The following DPP10 variants were observed in gnomAD, a reference collection of about 807,000 sequenced individuals.
DPP10 encodes inactive dipeptidyl peptidase 10.
A neutral mutation model predicts 120.9 loss-of-function variants in DPP10; 33 were observed. The ratio of observed to expected loss-of-function variants is 0.27; its 90% CI spans 0.21 to 0.37. The LOEUF (loss-of-function observed/expected upper bound fraction) is 0.37, where lower values mean the gene tolerates loss of function less well. Among genes scored for constraint, DPP10 ranks in the 10% least tolerant of loss-of-function variants. The pLI, the probability that DPP10 is intolerant of heterozygous loss-of-function variation, is 1.00. For synonymous variants in DPP10, 337 were observed against 326.1 expected, an observed-to-expected ratio of 1.03 and a Z score of -0.36; for missense variants, 816 against 942.8, an observed-to-expected ratio of 0.87 and a Z score of 1.76.
chr2:115,263,782 G>A lies in DPP10; in HGVS notation c.61-45457G>A, dbSNP rs530991986. Among the ~76,000 whole-genome samples the A allele has an allele frequency of 1.8e-4, 27 of 152,170 alleles. No homozygotes were observed. In the South Asian group the frequency reaches 5.4e-3, roughly 30 times the overall value. On this transcript the variant is annotated intron_variant, in intron 1 of 25. Coordinates refer to ENST00000410059, the MANE Select transcript of DPP10 (RefSeq NM_020868.6). ...ATCGGATTAGTATTTATTTTCAATT[G>A]CCTTCCTTATATACATGTTAGATAG...
intron 7 of DPP10, among the ~76,000 whole-genome samples, chr2:115,718,091 T>C (rs2092549528): frequency 6.6e-6 from 1 of 152,184 alleles, no homozygotes; most frequent in Non-Finnish European, 1.5e-5. Flanking sequence ...TATACTTATT[T>C]TCAGCGTAAC....
intron 1 of DPP10, among the ~76,000 whole-genome samples, chr2:115,121,050 G>A (rs1051648136): frequency 6.6e-6 from 1 of 152,212 alleles, no homozygotes; most frequent in African/African-American, 2.4e-5. Flanking sequence ...GGGCTTCTCT[G>A]AGTAAACATG....
intron 3 of DPP10, among the ~76,000 whole-genome samples, chr2:115,498,356 G>A (rs967164370): frequency 2.6e-5 from 4 of 152,088 alleles, no homozygotes; most frequent in Non-Finnish European, 1.5e-5. Context: ...GAGAGAAGGG[G>A]TCAGAAAATC....
intron 5 of DPP10, among the ~76,000 whole-genome samples, chr2:115,584,713 T>C (rs186064529): frequency 1.3e-5 from 2 of 152,260 alleles, no homozygotes; most frequent in East Asian, 3.9e-4. Context: ...GGTCTAGAGT[T>C]GTTGCTGAGC....
chr2:115,483,112 G>A (rs2075540184), intron 3 of DPP10, among the ~76,000 whole-genome samples: 1 of 151,956 alleles, frequency 6.6e-6, no homozygotes, highest in South Asian at 2.1e-4. Context: ...ATGTAGGTAG[G>A]GTGGAGAATT....
intron 1 of DPP10, among the ~76,000 whole-genome samples, chr2:114,486,701 A>G (rs1216821074): frequency 6.6e-6 from 1 of 152,024 alleles, no homozygotes; most frequent in African/African-American, 2.4e-5. Flanking sequence ...TTTTCTTTTC[A>G]GTGAAACTAT....
At chr2:114,591,572 T>TTTTTTTTTTTTG (rs1287684682) in intron 1 of DPP10, among the ~76,000 whole-genome samples, 1 of 146,148 alleles carries the variant, frequency 6.8e-6, no homozygotes, top group African/African-American at 2.5e-5. Flanking sequence ...TTTTTTTTTT[T>TTTTTTTTTTTTG]GAGATGGAGT....
intron 1 of DPP10, among the ~76,000 whole-genome samples, chr2:114,489,741 A>T (rs1255610024): frequency 6.6e-6 from 1 of 152,164 alleles, no homozygotes; most frequent in Non-Finnish European, 1.5e-5. Flanking sequence ...ACCTCAGATT[A>T]TACATAACAA....
chr2:114,515,583 A>T (rs1236504853), intron 1 of DPP10, among the ~76,000 whole-genome samples: 2 of 152,182 alleles, frequency 1.3e-5, no homozygotes, highest in Non-Finnish European at 2.9e-5. Context: ...AATAGTCAAA[A>T]TAAAAATATT....
chr2:115,831,551 G>T (rs7562125), intron 21 of DPP10, among the ~76,000 whole-genome samples: 147,134 of 152,268 alleles, frequency 0.97, 71,316 homozygotes, highest in East Asian at 1. Flanking sequence ...ATAACCTCTT[G>T]TAAAATCCCA....
intron 5 of DPP10, among the ~76,000 whole-genome samples, chr2:115,643,377 C>T (rs1218017734): frequency 1.3e-5 from 2 of 151,980 alleles, no homozygotes; most frequent in African/African-American, 4.8e-5. Context: ...AACAGGATTG[C>T]TAATAAAGAA....
At chr2:114,564,257 C>T (rs989046221) in intron 1 of DPP10, among the ~76,000 whole-genome samples, 1 of 152,100 alleles carries the variant, frequency 6.6e-6, no homozygotes, top group Non-Finnish European at 1.5e-5. Flanking sequence ...TCAACAGAGA[C>T]TATTCACTAG....
chr2:114,642,184 C>T (rs142925901), intron 1 of DPP10, among the ~76,000 whole-genome samples: 2,125 of 151,904 alleles, frequency 0.014, 32 homozygotes, highest in Middle Eastern at 0.027. Context: ...CAAATATTCT[C>T]ATAGTTCTCT....
intron 1 of DPP10, among the ~76,000 whole-genome samples, chr2:115,025,252 T>A (rs1703377723): frequency 6.6e-6 from 1 of 152,102 alleles, no homozygotes; most frequent in Non-Finnish European, 1.5e-5. Flanking sequence ...GAACAGGCAA[T>A]ATTTGTCTTT....
chr2:114,941,467 G>C (rs1438099268), intron 1 of DPP10, among the ~76,000 whole-genome samples: 1 of 152,058 alleles, frequency 6.6e-6, no homozygotes, highest in Non-Finnish European at 1.5e-5. Context: ...TTATTCCTTG[G>C]ATATTACAAG....
chr2:114,452,055 T>C (rs1158213036), intron 1 of DPP10, among the ~76,000 whole-genome samples: 3 of 152,300 alleles, frequency 2.0e-5, no homozygotes, highest in East Asian at 3.9e-4. Context: ...CCTTATAATC[T>C]AAAAGTATCT....
chr2:114,593,195 A>G (rs1259413831), intron 1 of DPP10, among the ~76,000 whole-genome samples: 1 of 152,222 alleles, frequency 6.6e-6, no homozygotes, highest in South Asian at 2.1e-4. Flanking sequence ...GTTTAGGAAC[A>G]AGAAAAAAAT....
intron 1 of DPP10, among the ~76,000 whole-genome samples, chr2:114,903,766 A>T (rs72832458): frequency 6.6e-6 from 1 of 152,294 alleles, no homozygotes; most frequent in African/African-American, 2.4e-5. Context: ...CCATAACCAG[A>T]TAGGATTTGT....
At chr2:115,803,437 G>C (rs1685514256) in intron 19 of DPP10, among the ~76,000 whole-genome samples, 1 of 152,116 alleles carries the variant, frequency 6.6e-6, no homozygotes, top group Non-Finnish European at 1.5e-5. Context: ...TGACATTTAA[G>C]GTTAGTATTG....
Sources: allele counts gnomAD v4.1 joint callset (sites outside exome capture counted in the v4.1 genomes callset), GRCh38; gene constraint gnomAD v4.1.1; transcripts MANE v1.5; gene names NCBI Gene and HGNC (gene_info 2026-07-23, HGNC 2026-07-21).